Variants in NTRK3 observed in about 807,000 individuals in gnomAD.
The protein encoded by NTRK3 is neurotrophic receptor tyrosine kinase 3, also known as NT-3 growth factor receptor.
A neutral mutation model predicts 91.7 loss-of-function variants in NTRK3; 24 were observed. The ratio of observed to expected loss-of-function variants is 0.26; its 90% confidence interval spans 0.19 to 0.37. The LOEUF (loss-of-function observed/expected upper bound fraction) is 0.37. Among genes scored for constraint, NTRK3 ranks in the 10% least tolerant of loss-of-function variants. NTRK3 has a pLI of 1.00. For missense variants in NTRK3, 880 were observed against 1,068.9 expected (o/e 0.82, Z 2.46); for synonymous variants, 483 against 404.0 (o/e 1.20, Z -2.34).
At chr15:88,008,728 T>G (rs940156494) in intron 14 of NTRK3, among the ~76,000 whole-genome samples, 8 of 152,196 alleles carry the variant, frequency 5.3e-5, no homozygotes, top group African/African-American at 1.7e-4. Flanking sequence ...TTCTTCATAT[T>G]AAACAGACGC....
intron 13 of NTRK3, among the ~76,000 whole-genome samples, chr15:88,100,816 T>C (rs1446501924): frequency 6.6e-6 from 1 of 152,182 alleles, no homozygotes; most frequent in Admixed American, 6.5e-5. Context: ...TAGCCATATG[T>C]AGAAAGCTGA....
intron 14 of NTRK3, among the ~76,000 whole-genome samples, chr15:88,031,920 C>G (rs1383328413): frequency 6.6e-6 from 1 of 152,174 alleles, no homozygotes; most frequent in African/African-American, 2.4e-5. Flanking sequence ...AACCCACTGT[C>G]AGGAAGCCTG....
intron 5 of NTRK3, among the ~76,000 whole-genome samples, chr15:88,179,506 C>T (rs978504577): frequency 6.6e-6 from 1 of 152,168 alleles, no homozygotes; most frequent in Non-Finnish European, 1.5e-5. Context: ...TTGAAAACCA[C>T]GAAGAGCTCT....
intron 5 of NTRK3, among the ~76,000 whole-genome samples, chr15:88,151,179 A>C (rs2043341479): frequency 6.6e-6 from 1 of 151,720 alleles, no homozygotes; most frequent in Non-Finnish European, 1.5e-5. Context: ...GATGCATCAA[A>C]CTCTTCCGCA....
At chr15:87,931,371 A>G (rs2068783768) in intron 16 of NTRK3, 2 of 354,780 alleles carry the variant, frequency 5.6e-6, no homozygotes, top group South Asian at 4.3e-5. Context: ...ATGGTTCACA[A>G]TTCTCACAAA....
chr15:88,203,567 G>C (rs2048478109), intron 3 of NTRK3, among the ~76,000 whole-genome samples: 1 of 152,108 alleles, frequency 6.6e-6, no homozygotes, highest in Admixed American at 6.5e-5. Flanking sequence ...GGCTAAAAGA[G>C]GTTGATTATT....
intron 5 of NTRK3, among the ~76,000 whole-genome samples, chr15:88,153,329 G>A (rs1057407714): frequency 3.3e-5 from 5 of 151,924 alleles, no homozygotes; most frequent in South Asian, 2.1e-4. Flanking sequence ...TGCAACCTCC[G>A]CCTCCCGGGT....
rs551056041 is a variant in NTRK3 at position 88,193,981 on chromosome 15, G to A, written c.249-9682C>T. 3.3e-5 allele frequency among the ~76,000 whole-genome samples: 5 copies of A among 152,024 alleles called. No homozygotes were observed. The East Asian group carries it at 5.8e-4, about 18-fold the overall frequency. On this transcript the variant is annotated intron_variant, in intron 3 of 18. Coordinates refer to ENST00000394480, the Ensembl canonical transcript of NTRK3. ...TGATTCTCCATCCTAGTTTGTCTTC[G>A]ATCCTACTACTCTACTGAAACTGCA...
At chr15:88,010,194 G>A (rs1596672518) in intron 14 of NTRK3, among the ~76,000 whole-genome samples, 1 of 152,248 alleles carries the variant, frequency 6.6e-6, no homozygotes, top group Middle Eastern at 3.4e-3. Context: ...CCCAACTTGA[G>A]GGTCCAGTCT....
intron 17 of NTRK3, among the ~76,000 whole-genome samples, chr15:87,921,860 A>G (rs1567110297): frequency 2.0e-5 from 3 of 151,862 alleles, no homozygotes; most frequent in Non-Finnish European, 2.9e-5. Context: ...ATCTTGCTAT[A>G]AAGATTAGGG....
chr15:87,875,937 G>A (rs1425965980), exon 19 of NTRK3: 2 of 231,842 alleles, frequency 8.6e-6, no homozygotes, highest in Admixed American at 5.6e-5. Context: ...AGCGTGCTGT[G>A]TCTACATTCA....
chr15:88,039,194 T>C (rs1038730935), intron 13 of NTRK3, among the ~76,000 whole-genome samples: 1 of 151,708 alleles, frequency 6.6e-6, no homozygotes, highest in African/African-American at 2.4e-5. Context: ...GCCTATTACC[T>C]GTTATCGGCC....
At chr15:87,988,965 T>C (rs2075071453) in intron 14 of NTRK3, among the ~76,000 whole-genome samples, 2 of 152,138 alleles carry the variant, frequency 1.3e-5, no homozygotes, top group Non-Finnish European at 2.9e-5. Flanking sequence ...TCACCCAGGC[T>C]GGGGTGCAGT....
chr15:87,944,518 TCA>T (rs1313693267), intron 14 of NTRK3, among the ~76,000 whole-genome samples: 1 of 152,188 alleles, frequency 6.6e-6, no homozygotes. Context: ...CTTGCCAAAT[TCA>T]CAGAGGTAAA....
At chr15:88,141,941 TTTA>T (rs2042423740) in intron 6 of NTRK3, among the ~76,000 whole-genome samples, 1 of 152,180 alleles carries the variant, frequency 6.6e-6, no homozygotes, top group Non-Finnish European at 1.5e-5. Context: ...TCCAACTGAG[TTTA>T]TGGGAAACTG....
At chr15:87,872,290 T>C (rs906193593) in exon 19 of NTRK3, 7 of 221,024 alleles carry the variant, frequency 3.2e-5, no homozygotes, top group Non-Finnish European at 5.4e-5. Flanking sequence ...CACTGTACTT[T>C]GGAGTCAAGG....
At chr15:88,113,011 G>A (rs914835346) in intron 13 of NTRK3, among the ~76,000 whole-genome samples, 9 of 152,152 alleles carry the variant, frequency 5.9e-5, no homozygotes, top group Non-Finnish European at 1.0e-4. Flanking sequence ...AAGAGATTTT[G>A]AAATCATTCT....
intron 13 of NTRK3, among the ~76,000 whole-genome samples, chr15:88,035,261 G>A (rs1027501700): frequency 1.3e-5 from 2 of 152,150 alleles, no homozygotes; most frequent in African/African-American, 4.8e-5. Context: ...GAGGTGGAGT[G>A]AGGCTCCAGG....
chr15:88,188,341 G>T (rs1482227624), intron 3 of NTRK3, among the ~76,000 whole-genome samples: 3 of 152,204 alleles, frequency 2.0e-5, no homozygotes, highest in Non-Finnish European at 4.4e-5. Context: ...TTGCCCCCCA[G>T]CAGACATTTG....
Sources: gnomAD v4.1 joint callset for allele counts (sites outside exome capture counted in the v4.1 genomes callset) on GRCh38, gnomAD v4.1.1 for gene constraint, MANE v1.5 for transcripts, NCBI Gene and HGNC (gene_info 2026-07-23, HGNC 2026-07-21) for gene names.